ANK2: variants seen among roughly 807,000 people sequenced by gnomAD.
ANK2 encodes the protein ankyrin 2, also known as ankyrin-2.
A neutral mutation model predicts 360.5 loss-of-function variants in ANK2; 83 were observed. The ratio of observed to expected loss-of-function variants is 0.23; its 90% CI spans 0.19 to 0.28. The LOEUF is 0.28. Among genes scored for constraint, ANK2 ranks in the 10% least tolerant of loss-of-function variants. ANK2 has a pLI of 1.00. For synonymous variants in ANK2, 1,740 were observed against 1,759.5 expected (o/e 0.99, Z 0.28); for missense variants, 4,201 against 4,795.7 (o/e 0.88, Z 3.66).
intron 23 of ANK2, among the ~76,000 whole-genome samples, chr4:113,303,921 C>A (rs1188013833): frequency 6.6e-6 from 1 of 152,126 alleles, no homozygotes; most frequent in Non-Finnish European, 1.5e-5. Context: ...AAGATAAAAT[C>A]ATAAGATAAA....
At chr4:113,051,853 A>T (rs2067186336) in intron 1 of ANK2, among the ~76,000 whole-genome samples, 2 of 152,214 alleles carry the variant, frequency 1.3e-5, no homozygotes, top group Admixed American at 6.5e-5. Context: ...TGTATATATG[A>T]TTATTTGAAC....
chr4:113,236,955 TAACA>T (rs764311019), intron 5 of ANK2, 28 bp from the exon 6 acceptor site: 2 of 1,609,364 alleles, frequency 1.2e-6, no homozygotes, highest in East Asian at 4.5e-5. Context: ...CTGAAGATGT[TAACA>T]GACAATTTTT....
intron 2 of ANK2, among the ~76,000 whole-genome samples, chr4:112,947,060 A>C (rs1355960506): frequency 2.0e-5 from 3 of 152,212 alleles, no homozygotes; most frequent in African/African-American, 7.2e-5. Context: ...TGCATGATTC[A>C]TTCTTGTGAA....
At chr4:113,038,852 A>G (rs147456993) in intron 2 of ANK2, among the ~76,000 whole-genome samples, 172 of 152,220 alleles carry the variant, frequency 1.1e-3, no homozygotes, top group African/African-American at 4.0e-3. Flanking sequence ...ACAAGCACCA[A>G]GAAATCAGGT....
At chr4:112,970,502 G>A (rs1412394124) in intron 2 of ANK2, among the ~76,000 whole-genome samples, 3 of 152,186 alleles carry the variant, frequency 2.0e-5, no homozygotes, top group South Asian at 2.1e-4. Flanking sequence ...TTACAGGTGT[G>A]CACCACCATG....
chr4:113,348,248 A>G, intron 35 of ANK2, 28 bp from the exon 36 acceptor site: 2 of 1,611,850 alleles, frequency 1.2e-6, no homozygotes, highest in Non-Finnish European at 1.7e-6. Context: ...TCTTTTTTCC[A>G]TCTTGCATGG....
Position 113,040,881 on chromosome 4 carries a change from T to C in ANK2, c.22-133535T>C, listed in dbSNP as rs78977540. 3.3e-3 allele frequency among the ~76,000 whole-genome samples: 495 copies of C among 152,144 alleles called. 26 individuals carry two copies. The East Asian group carries it at 0.088, about 27-fold the overall frequency. ...TCCCTCCTTTGTCAAATGAAATGGA[T>C]TTCACAAATTTTTCTTTGAGAGCCC... On this transcript the variant is annotated intron_variant, in intron 2 of 30. Transcript: ENST00000503271.
chr4:113,353,629 G>A lies in ANK2; in HGVS notation c.5011G>A (p.Val1671Ile). The part of the protein sequence containing the change: ...KAGKKCEALA[V>I]GRSSEKEGKD... The stretch of plus-strand genomic sequence containing the variant: ...AGGGAAGAAATGTGAGGCTCTGGCT[G>A]TTGGCAGGAGCTCTGAAAAGGAAGG... Residue 1671 changes from valine (V) to isoleucine (I), a missense_variant, in exon 38 of 46, where the codon GTT becomes ATT. Val to Ile is a conservative substitution (Grantham distance 29). Transcript: ENST00000357077. The A allele has an allele frequency of 6.2e-7, 1 of 1,614,074 alleles. No individual in the cohort carries two copies. The highest frequency in any genetic ancestry group is 8.5e-7 in the Non-Finnish European group (1 of 1,179,968).
rs755318841 is a variant in ANK2 at position 113,359,190 on chromosome 4, C to T, written c.10572C>T (p.Thr3524=). The T allele has an allele frequency of 6.8e-6, 11 of 1,613,026 alleles. No individual in the cohort carries two copies. Among genetic ancestry groups the T allele is most frequent in the East Asian group, 4.5e-5 (2 of 44,880 alleles). ...TTGAAAATCTGCCACCTGTTGAGAC[C>T]GAGCACTCAGTTCCTGAGGACATCT... is the stretch of plus-strand genomic sequence containing the variant. ...SVIENLPPVE[T]EHSVPEDIFD... is the part of the protein sequence containing the mutation. The change falls in exon 38 of 46, where the codon ACC becomes ACT. Residue 3524 remains threonine (T), a synonymous_variant. Coordinates refer to ENST00000357077, the MANE Select transcript of ANK2 (RefSeq NM_001148.6).
At chr4:113,367,502 C>T in intron 41 of ANK2, 64 bp from the exon 42 acceptor site, 1 of 1,408,628 alleles carries the variant, frequency 7.1e-7, no homozygotes, top group South Asian at 1.2e-5. Context: ...ATATTTATTA[C>T]TTAATAAATA....
the ANK2 span, among the ~76,000 whole-genome samples, chr4:112,713,697 C>T: frequency 5.3e-4 from 81 of 151,982 alleles, no homozygotes; most frequent in Non-Finnish European, 8.1e-4. Flanking sequence ...GAAACTGGCC[C>T]GAGGCGGGCG....
At chr4:113,169,578 A>G (rs541426852) in intron 1 of ANK2, among the ~76,000 whole-genome samples, 1 of 152,134 alleles carries the variant, frequency 6.6e-6, no homozygotes, top group Non-Finnish European at 1.5e-5. Context: ...TGTAGGGCGC[A>G]CCATAAGCCA....
chr4:112,735,406 A>C, the ANK2 span, among the ~76,000 whole-genome samples: 1 of 152,228 alleles, frequency 6.6e-6, no homozygotes, highest in Non-Finnish European at 1.5e-5. Flanking sequence ...TTCTCTGTGC[A>C]CATTGCTTAA....
the ANK2 span, among the ~76,000 whole-genome samples, chr4:112,720,920 G>A: frequency 6.6e-6 from 1 of 152,188 alleles, no homozygotes. Flanking sequence ...TGATTTAGAA[G>A]TTTTGCCTAG....
At chr4:113,296,134 G>A (rs903515163) in intron 22 of ANK2, among the ~76,000 whole-genome samples, 1 of 152,120 alleles carries the variant, frequency 6.6e-6, no homozygotes, top group Non-Finnish European at 1.5e-5. Context: ...TAACCTTTCT[G>A]ATATAACTGA....
chr4:113,234,410 T>C (rs922033948), intron 5 of ANK2, among the ~76,000 whole-genome samples: 1 of 152,234 alleles, frequency 6.6e-6, no homozygotes, highest in African/African-American at 2.4e-5. Context: ...ATCATTTAAA[T>C]AATTAAAATT....
intron 1 of ANK2, among the ~76,000 whole-genome samples, chr4:113,127,464 TTG>T (rs2095730098): frequency 7.6e-6 from 1 of 131,820 alleles, no homozygotes; most frequent in African/African-American, 2.8e-5. Flanking sequence ...CTTTCTTTTT[TTG>T]TTTTTTTTTT....
chr4:112,784,001 T>C, the ANK2 span, among the ~76,000 whole-genome samples: 1 of 152,150 alleles, frequency 6.6e-6, no homozygotes, highest in Admixed American at 6.6e-5. Flanking sequence ...TCTGGCATAC[T>C]ATACAATAGT....
At chr4:112,824,451 C>A (rs1338791326) in intron 1 of ANK2, among the ~76,000 whole-genome samples, 41 of 151,676 alleles carry the variant, frequency 2.7e-4, no homozygotes, top group Admixed American at 2.7e-3. Flanking sequence ...ATCCTCCTGC[C>A]TTAGCTTTCC....
Sources: gnomAD v4.1 joint callset for allele counts (sites outside exome capture counted in the v4.1 genomes callset) on GRCh38, gnomAD v4.1.1 for gene constraint, MANE v1.5 for transcripts, NCBI Gene and HGNC (gene_info 2026-07-23, HGNC 2026-07-21) for gene names.